The following MYH9 variants were observed in gnomAD, a reference collection of about 807,000 sequenced individuals.
MYH9 encodes the protein myosin-9.
In MYH9, 29 loss-of-function variants were observed where a neutral mutation model predicts 241.9. The observed-to-expected ratio is 0.12, with a 90% CI of 0.09 to 0.16. The LOEUF (loss-of-function observed/expected upper bound fraction) is 0.16. Ranked by LOEUF, MYH9 falls within the 10% of genes least tolerant of loss-of-function variation. MYH9 has a pLI of 1.00. For missense variants in MYH9, 1,803 were observed against 2,595.5 expected, an observed-to-expected ratio of 0.69 and a Z score of 6.63; for synonymous variants, 1,047 against 1,062.6, an observed-to-expected ratio of 0.99 and a Z score of 0.29.
intron 1 of MYH9, among the ~76,000 whole-genome samples, chr22:36,377,752 A>G (rs1370773230): frequency 6.6e-6 from 1 of 151,976 alleles, no homozygotes; most frequent in Non-Finnish European, 1.5e-5. Flanking sequence ...TACCAAAAAT[A>G]CAAAAAAATT....
At chr22:36,353,689 T>C (rs910338852) in intron 1 of MYH9, among the ~76,000 whole-genome samples, 2 of 152,156 alleles carry the variant, frequency 1.3e-5, no homozygotes, top group Non-Finnish European at 2.9e-5. Flanking sequence ...AAAAAAGTTT[T>C]TGAAAATAAA....
intron 13 of MYH9, 143 bp from the exon 14 acceptor site, chr22:36,312,365 T>C (rs946402100): frequency 2.5e-6 from 2 of 802,182 alleles, no homozygotes; most frequent in African/African-American, 1.7e-5. Context: ...CAAAGCACTG[T>C]TGAAGATTTC....
rs987787195 is a variant in MYH9 at position 36,336,787 on chromosome 22, G to C, written c.490+4583C>G. Among the ~76,000 whole-genome samples, 4 of 152,236 alleles carry C rather than the reference G, an allele frequency of 2.6e-5. No homozygotes were observed. The East Asian group carries it at 7.7e-4, about 29-fold the overall frequency. On this transcript the variant is annotated intron_variant, in intron 3 of 40. Transcript: ENST00000216181. ...CAGGACACCTGACATTGGCTCAGTC[G>C]TGCTGGCGCAGGTGTAGGCACCAAA...
intron 6 of MYH9, 88 bp downstream of exon 6, chr22:36,322,341 G>A (rs540368397): frequency 2.7e-4 from 385 of 1,412,420 alleles, no homozygotes; most frequent in South Asian, 3.8e-4. Flanking sequence ...CGGTTTTGAG[G>A]GGAGGGCACC....
intron 1 of MYH9, among the ~76,000 whole-genome samples, chr22:36,371,725 C>T (rs1051021528): frequency 3.1e-4 from 47 of 152,026 alleles, no homozygotes; most frequent in Non-Finnish European, 6.3e-4. Context: ...TTAGTAGAGA[C>T]GGTTTCACCA....
chr22:36,324,917 A>C (rs2017311626), intron 5 of MYH9: 1 of 612,656 alleles, frequency 1.6e-6, no homozygotes, highest in East Asian at 2.8e-5. Flanking sequence ...GGAACCCCAG[A>C]TGTAAGGCAT....
intron 1 of MYH9, among the ~76,000 whole-genome samples, chr22:36,385,281 A>G (rs1274889117): frequency 6.6e-6 from 1 of 152,050 alleles, no homozygotes; most frequent in Non-Finnish European, 1.5e-5. Context: ...TCCTTTTGAA[A>G]TAAAGATGTC....
chr22:36,286,952 A>G (rs1413664361), intron 34 of MYH9, 106 bp from the exon 35 acceptor site: 4 of 1,535,296 alleles, frequency 2.6e-6, no homozygotes, highest in Non-Finnish European at 3.6e-6. Flanking sequence ...GCTCCACTCA[A>G]TGCTGTATTT....
intron 31 of MYH9, among the ~76,000 whole-genome samples, chr22:36,291,651 G>C (rs888147389): frequency 2.0e-4 from 25 of 122,218 alleles, no homozygotes; most frequent in Non-Finnish European, 3.1e-4. Flanking sequence ...CCCCCTCTGC[G>C]AGAAACACCC....
At chr22:36,299,707 C>T (rs1404150212) in intron 23 of MYH9, among the ~76,000 whole-genome samples, 1 of 152,202 alleles carries the variant, frequency 6.6e-6, no homozygotes, top group African/African-American at 2.4e-5. Flanking sequence ...TGGGCAGACA[C>T]CGACAGGGAC....
intron 2 of MYH9, among the ~76,000 whole-genome samples, chr22:36,344,736 G>A (rs1365139123): frequency 3.9e-5 from 6 of 152,184 alleles, no homozygotes; most frequent in Non-Finnish European, 8.8e-5. Context: ...CTCTGCGTGT[G>A]GCTTGCAATG....
At chr22:36,339,207 A>G (rs2017545758) in intron 3 of MYH9, among the ~76,000 whole-genome samples, 1 of 152,170 alleles carries the variant, frequency 6.6e-6, no homozygotes, top group South Asian at 2.1e-4. Flanking sequence ...ACTCAGTCTT[A>G]ATGTCTTGCC....
chr22:36,345,683 G>C (rs1247247603), intron 2 of MYH9, among the ~76,000 whole-genome samples: 3 of 152,148 alleles, frequency 2.0e-5, no homozygotes, highest in African/African-American at 7.2e-5. Flanking sequence ...TAGGGACAGG[G>C]GCCTTTAATT....
At chr22:36,289,596 C>T (rs2016652709) in intron 31 of MYH9, among the ~76,000 whole-genome samples, 1 of 152,250 alleles carries the variant, frequency 6.6e-6, no homozygotes, top group African/African-American at 2.4e-5. Flanking sequence ...CCATGAGAGC[C>T]CTCCAAACCT....
At chr22:36,368,066 C>T (rs1197617062) in intron 1 of MYH9, among the ~76,000 whole-genome samples, 1 of 152,212 alleles carries the variant, frequency 6.6e-6, no homozygotes, top group Non-Finnish European at 1.5e-5. Context: ...TGGCCGAAGT[C>T]AGGCCAACCT....
At chr22:36,340,886 C>A (rs1033831466) in intron 3 of MYH9, among the ~76,000 whole-genome samples, 1 of 152,064 alleles carries the variant, frequency 6.6e-6, no homozygotes, top group African/African-American at 2.4e-5. Context: ...CTCCACAAAG[C>A]TTCACTGCGA....
intron 38 of MYH9, among the ~76,000 whole-genome samples, chr22:36,284,740 A>G (rs2016550339): frequency 6.6e-6 from 1 of 152,170 alleles, no homozygotes; most frequent in African/African-American, 2.4e-5. Flanking sequence ...CACACCTCAA[A>G]GAGCATCTAT....
intron 3 of MYH9, among the ~76,000 whole-genome samples, chr22:36,333,798 C>G (rs556287298): frequency 8.5e-5 from 13 of 152,330 alleles, no homozygotes; most frequent in South Asian, 2.1e-4. Flanking sequence ...ACTGAAGTCT[C>G]TAAGCCAGAG....
chr22:36,281,890 T>C lies in MYH9; in HGVS notation c.*778A>G. The C allele has an allele frequency of 4.3e-6, 1 of 231,032 alleles. No homozygotes were observed. Among genetic ancestry groups the C allele is most frequent in the East Asian group, 6.1e-5 (1 of 16,270 alleles). The allele number at this position is 231,032 out of a possible 1,614,324, so 14.3% of individuals were successfully genotyped here. A position where few individuals can be genotyped will look rare whatever the true frequency, so the allele number is the denominator to read the frequency against. ...TAAATATATTTGGTCCCCAAGAGTG[T>C]TGGGAGAAGCCACTGGAAGGCTGCT... On this transcript the variant is annotated 3_prime_UTR_variant, in exon 41 of 41. Transcript: ENST00000216181.
Sources: allele counts gnomAD v4.1 joint callset (sites outside exome capture counted in the v4.1 genomes callset), GRCh38; gene constraint gnomAD v4.1.1; transcripts MANE v1.5; gene names NCBI Gene and HGNC (gene_info 2026-07-23, HGNC 2026-07-21).